C14orf132: variants seen among roughly 807,000 people sequenced by gnomAD.
C14orf132 encodes chromosome 14 open reading frame 132.
C14orf132 carries 6 observed loss-of-function variants against 5.8 expected under a neutral mutation model. The ratio of observed to expected loss-of-function variants is 1.03; its 90% confidence interval spans 0.57 to 2.04. C14orf132 has a LOEUF of 2.04. Ranked by LOEUF, C14orf132 falls within the 30% of genes most tolerant of loss-of-function variation. The pLI is 0.00. For missense variants in C14orf132, 125 were observed against 115.8 expected, an observed-to-expected ratio of 1.08 and a Z score of -0.37; for synonymous variants, 51 against 49.8, an observed-to-expected ratio of 1.02 and a Z score of -0.10.
intron 1 of C14orf132, among the ~76,000 whole-genome samples, chr14:96,058,217 C>T (rs373040483): frequency 3.3e-5 from 5 of 152,246 alleles, no homozygotes; most frequent in East Asian, 3.9e-4. Context: ...CCTCCTCACT[C>T]GGTCACTGTA....
chr14:96,064,285 A>G (rs150609680), intron 1 of C14orf132, among the ~76,000 whole-genome samples: 8 of 151,826 alleles, frequency 5.3e-5, no homozygotes, highest in African/African-American at 1.9e-4. Context: ...TAGCAGCACA[A>G]TCCACAACTG....
intron 1 of C14orf132, among the ~76,000 whole-genome samples, chr14:96,043,874 A>G (rs944952912): frequency 6.6e-6 from 1 of 152,238 alleles, no homozygotes; most frequent in African/African-American, 2.4e-5. Flanking sequence ...AACTTGCTCC[A>G]AAACTGAGCT....
At chr14:96,076,421 G>A (rs1340173859) in intron 1 of C14orf132, among the ~76,000 whole-genome samples, 1 of 152,132 alleles carries the variant, frequency 6.6e-6, no homozygotes, top group Non-Finnish European at 1.5e-5. Context: ...ATTTTATTGA[G>A]TTTTGTTCTT....
chr14:96,070,091 C>T (rs1283501774), intron 1 of C14orf132, among the ~76,000 whole-genome samples: 2 of 152,224 alleles, frequency 1.3e-5, no homozygotes, highest in Admixed American at 1.3e-4. Flanking sequence ...TGAAATGCAT[C>T]CCCAGACCTC....
chr14:96,042,004 G>A (rs1221144694), intron 1 of C14orf132, among the ~76,000 whole-genome samples: 1 of 152,232 alleles, frequency 6.6e-6, no homozygotes, highest in African/African-American at 2.4e-5. Context: ...GATTGGATGA[G>A]GACAAGATGT....
chr14:96,069,255 TCATATATATATATATATA>T (rs1887632288), intron 1 of C14orf132, among the ~76,000 whole-genome samples: 2 of 68,120 alleles, frequency 2.9e-5, no homozygotes, highest in African/African-American at 1.1e-4. Flanking sequence ...CTGTTTATGT[TCATATATATATATATATA>T]TATATATATA....
At position 96,086,601 on chromosome 14, in the gene C14orf132, G is replaced by A. The variant is rs575916965; in HGVS notation, c.118G>A (p.Ala40Thr). The change falls in exon 2 of 2, where the codon GCG (alanine) becomes ACG (threonine). Residue 40 changes from alanine (A) to threonine (T), a missense_variant. Coordinates refer to ENST00000555004, the MANE Select transcript of C14orf132 (RefSeq NM_001252507.3). ...GTTTAACTCCTCTGCCAATGTCCAC[G>A]CGGCTGCCAATGGCCAGGGCCAGCC... Reference protein sequence around the residue: ...SLFNSSANVHAAANGQGQPED... With the variant: ...SLFNSSANVHTAANGQGQPED... The A allele has an allele frequency of 2.1e-5, 33 of 1,536,114 alleles. No homozygotes were observed. The highest frequency in any genetic ancestry group is 2.4e-5 in the East Asian group (1 of 40,918).
chr14:96,061,161 T>C (rs76654579), intron 1 of C14orf132, among the ~76,000 whole-genome samples: 1,562 of 152,296 alleles, frequency 0.01, 25 homozygotes, highest in Admixed American at 0.037. Flanking sequence ...GCTTTTCTTC[T>C]GTCAGCTCAA....
chr14:96,061,811 G>A (rs879797774), intron 1 of C14orf132, among the ~76,000 whole-genome samples: 10 of 152,138 alleles, frequency 6.6e-5, no homozygotes, highest in Admixed American at 5.9e-4. Flanking sequence ...TTGAGAGGCT[G>A]AGGCAGGAGG....
At chr14:96,063,105 C>T (rs1880272099) in intron 1 of C14orf132, among the ~76,000 whole-genome samples, 1 of 152,098 alleles carries the variant, frequency 6.6e-6, no homozygotes, top group Admixed American at 6.5e-5. Flanking sequence ...ATCGTCATAT[C>T]TGTTTGATAG....
At chr14:96,064,920 C>A (rs1473309051) in intron 1 of C14orf132, among the ~76,000 whole-genome samples, 1 of 152,196 alleles carries the variant, frequency 6.6e-6, no homozygotes, top group East Asian at 1.9e-4. Context: ...CCGCTCTGGC[C>A]AGCTCTGTTG....
intron 1 of C14orf132, among the ~76,000 whole-genome samples, chr14:96,047,147 A>G (rs1886851974): frequency 6.6e-6 from 1 of 152,212 alleles, no homozygotes; most frequent in African/African-American, 2.4e-5. Context: ...TTCCATTGCA[A>G]AGATTTAAAT....
chr14:96,065,311 G>A (rs548912483), intron 1 of C14orf132, among the ~76,000 whole-genome samples: 6 of 152,232 alleles, frequency 3.9e-5, no homozygotes, highest in Admixed American at 3.3e-4. Flanking sequence ...AGATTCCGAT[G>A]TGCATCTCCA....
chr14:96,078,079 CAT>C (rs1887929948), intron 1 of C14orf132, among the ~76,000 whole-genome samples: 1 of 152,258 alleles, frequency 6.6e-6, no homozygotes, highest in Non-Finnish European at 1.5e-5. Context: ...GCTGCATCCT[CAT>C]GTGCTGCTGC....
At chr14:96,048,611 G>GC (rs1043205628) in intron 1 of C14orf132, among the ~76,000 whole-genome samples, 10 of 151,680 alleles carry the variant, frequency 6.6e-5, no homozygotes, top group African/African-American at 9.7e-5. Context: ...TGCAATCTCT[G>GC]CCCCCCCGGG....
At chr14:96,042,661 A>T (rs571128307) in intron 1 of C14orf132, among the ~76,000 whole-genome samples, 2 of 152,236 alleles carry the variant, frequency 1.3e-5, no homozygotes, top group Non-Finnish European at 2.9e-5. Context: ...GACACCAGTT[A>T]TCTGGCAAAT....
At position 96,090,794 on chromosome 14, in the gene C14orf132, A is replaced by T. The variant is rs1888374976; in HGVS notation, c.*4059A>T. The T allele has an allele frequency of 2.2e-6, 1 of 455,880 alleles. No homozygotes were observed. Among genetic ancestry groups the T allele is most frequent in the Non-Finnish European group, 4.4e-6 (1 of 226,784 alleles). 28.2% of individuals were successfully genotyped at this position (455,880 alleles called of 1,614,324 possible). On this transcript the variant is annotated 3_prime_UTR_variant, in exon 2 of 2. Coordinates refer to ENST00000555004, the MANE Select transcript of C14orf132 (RefSeq NM_001252507.3). ...GGAAGGCTTGGAGGCTGGCCAGACC[A>T]CTCTGGCGTCTCCTGAAGTGGGTCC...
intron 1 of C14orf132, among the ~76,000 whole-genome samples, chr14:96,040,989 A>G (rs1298048767): frequency 6.6e-6 from 1 of 152,204 alleles, no homozygotes; most frequent in Non-Finnish European, 1.5e-5. Context: ...AGCTGGCTGG[A>G]GCATCAGTTG....
intron 1 of C14orf132, among the ~76,000 whole-genome samples, chr14:96,080,919 C>G (rs1207692503): frequency 6.6e-6 from 1 of 152,218 alleles, no homozygotes; most frequent in Non-Finnish European, 1.5e-5. Context: ...TTGGTGCACT[C>G]CAATGCTCAA....
Sources: gnomAD v4.1 joint callset for allele counts (sites outside exome capture counted in the v4.1 genomes callset) on GRCh38, gnomAD v4.1.1 for gene constraint, MANE v1.5 for transcripts, NCBI Gene and HGNC (gene_info 2026-07-23, HGNC 2026-07-21) for gene names.